The following SUMF1 variants were observed in gnomAD, a reference collection of about 807,000 sequenced individuals.
SUMF1 encodes the protein formylglycine-generating enzyme.
A neutral mutation model predicts 47.6 loss-of-function variants in SUMF1; 48 were observed. That is an observed-to-expected ratio of 1.01 (90% CI 0.80 to 1.28). SUMF1 has a LOEUF of 1.28. Among genes scored for constraint, SUMF1 ranks in the 50% most tolerant of loss-of-function variants. The probability of loss-of-function intolerance (pLI) is 0.00; values close to 1 mark genes in which losing one functional copy is unlikely to be tolerated. For synonymous variants in SUMF1, 230 were observed against 192.1 expected (o/e 1.20, Z -1.63); for missense variants, 571 against 485.4 (o/e 1.18, Z -1.66).
At chr3:4,251,806 C>A (rs977073730) in intron 8 of SUMF1, among the ~76,000 whole-genome samples, 5 of 152,196 alleles carry the variant, frequency 3.3e-5, no homozygotes, top group African/African-American at 1.2e-4. Flanking sequence ...CAAGGCAAGA[C>A]CCTACAATGG....
intron 8 of SUMF1, chr3:4,317,678 T>C (rs1575092084): frequency 6.4e-6 from 1 of 155,626 alleles, no homozygotes; most frequent in East Asian, 1.9e-4. Flanking sequence ...CTGTTAGATT[T>C]TGTTCTTGGC....
intron 8 of SUMF1, among the ~76,000 whole-genome samples, chr3:4,288,262 A>C (rs1488307991): frequency 1.3e-5 from 2 of 152,202 alleles, no homozygotes; most frequent in African/African-American, 4.8e-5. Flanking sequence ...ACAAGGGAAA[A>C]AACTATGCAT....
intron 8 of SUMF1, among the ~76,000 whole-genome samples, chr3:4,204,631 G>C (rs1184926433): frequency 6.6e-6 from 1 of 151,878 alleles, no homozygotes; most frequent in Non-Finnish European, 1.5e-5. Flanking sequence ...CCCTTTTGAG[G>C]CTCTTTTCTT....
intron 7 of SUMF1, among the ~76,000 whole-genome samples, chr3:4,397,961 T>G: frequency 6.6e-6 from 1 of 152,146 alleles, no homozygotes; most frequent in East Asian, 1.9e-4. Context: ...TAGCATCTCC[T>G]TGAAACCTCC....
At chr3:4,228,386 A>T (rs1370893042) in intron 8 of SUMF1, among the ~76,000 whole-genome samples, 1 of 151,938 alleles carries the variant, frequency 6.6e-6, no homozygotes, top group African/African-American at 2.4e-5. Context: ...CTCATCCTAG[A>T]TTAGAAAAAA....
intron 8 of SUMF1, among the ~76,000 whole-genome samples, chr3:4,335,139 G>GAAAC (rs745355332): frequency 2.0e-5 from 3 of 152,126 alleles, no homozygotes; most frequent in Non-Finnish European, 2.9e-5. Context: ...AAGATGGACT[G>GAAAC]AAACAAACAA....
At chr3:4,207,337 T>C (rs1695675921) in intron 8 of SUMF1, among the ~76,000 whole-genome samples, 1 of 152,154 alleles carries the variant, frequency 6.6e-6, no homozygotes, top group Non-Finnish European at 1.5e-5. Context: ...TCTTACCTCA[T>C]TGCACTGCCT....
intron 8 of SUMF1, among the ~76,000 whole-genome samples, chr3:4,287,061 GTA>G (rs1469336183): frequency 6.6e-6 from 1 of 152,168 alleles, no homozygotes; most frequent in Non-Finnish European, 1.5e-5. Context: ...TCTCACAAGT[GTA>G]TGTGTTTTCC....
chr3:4,252,354 A>G (rs78295834), intron 8 of SUMF1, among the ~76,000 whole-genome samples: 3,307 of 114,078 alleles, frequency 0.029, 61 homozygotes, highest in Non-Finnish European at 0.041. Context: ...ACACATGCGC[A>G]CACACACACA....
At chr3:4,134,377 A>C (rs558963752) in intron 8 of SUMF1, among the ~76,000 whole-genome samples, 2 of 152,320 alleles carry the variant, frequency 1.3e-5, no homozygotes, top group African/African-American at 2.4e-5. Context: ...TACTGGGTAC[A>C]TAACAAAATG....
intron 8 of SUMF1, among the ~76,000 whole-genome samples, chr3:4,150,700 A>G (rs1047609482): frequency 6.6e-6 from 1 of 151,658 alleles, no homozygotes; most frequent in Non-Finnish European, 1.5e-5. Flanking sequence ...TTTATTTTTA[A>G]TAAGAAAAAG....
chr3:4,461,825 G>A (rs918866523), intron 1 of SUMF1, among the ~76,000 whole-genome samples: 3 of 152,136 alleles, frequency 2.0e-5, no homozygotes, highest in African/African-American at 7.2e-5. Flanking sequence ...AGAACCAAGT[G>A]TCTCACTCTG....
Position 4,111,563 on chromosome 3 carries a change from C to A in SUMF1, c.1015-42818G>T, listed in dbSNP as rs113861835. ...TGAAACCCCGTCTCTACTAAAAATACAAAAATTAGCTGAGGGTAGTGGTGC... is the reference window on the plus strand; with the variant it reads ...TGAAACCCCGTCTCTACTAAAAATAAAAAAATTAGCTGAGGGTAGTGGTGC... On this transcript the variant is annotated intron_variant and NMD_transcript_variant, in intron 8 of 12. Coordinates refer to the SUMF1 transcript ENST00000448413. Among the ~76,000 whole-genome samples the A allele has an allele frequency of 4.1e-3, 618 of 151,874 alleles. 8 individuals are homozygous for A. The highest frequency in any genetic ancestry group is 0.014 in the African/African-American group (584 of 41,356).
At chr3:4,405,481 G>C (rs1219732558) in intron 7 of SUMF1, among the ~76,000 whole-genome samples, 4 of 152,206 alleles carry the variant, frequency 2.6e-5, no homozygotes, top group Non-Finnish European at 5.9e-5. Flanking sequence ...CTGCCTCCCA[G>C]GCTCAAGCCA....
At chr3:4,401,050 T>TGA (rs1701196387) in intron 7 of SUMF1, among the ~76,000 whole-genome samples, 1 of 144,630 alleles carries the variant, frequency 6.9e-6, no homozygotes, top group African/African-American at 2.6e-5. Context: ...CACCCATGAG[T>TGA]GAGAACATGA....
chr3:4,155,080 T>C (rs1159985495), intron 8 of SUMF1, among the ~76,000 whole-genome samples: 1 of 151,504 alleles, frequency 6.6e-6, no homozygotes, highest in East Asian at 1.9e-4. Flanking sequence ...CAGGGTTTGC[T>C]GAGGAAGACA....
intron 8 of SUMF1, among the ~76,000 whole-genome samples, chr3:4,291,771 G>A (rs1697747534): frequency 6.6e-6 from 1 of 152,154 alleles, no homozygotes; most frequent in Non-Finnish European, 1.5e-5. Context: ...GCAAAAAAAT[G>A]TCCTTATCTT....
downstream of SUMF1, among the ~76,000 whole-genome samples, chr3:4,360,205 CTTTT>C (rs57690047): frequency 1.2e-4 from 13 of 104,102 alleles, no homozygotes; most frequent in African/African-American, 3.4e-4. Context: ...AATGTTTGTT[CTTTT>C]TTTTTTTTTT....
intron 8 of SUMF1, among the ~76,000 whole-genome samples, chr3:4,169,702 G>A (rs962876347): frequency 1.3e-5 from 2 of 152,164 alleles, no homozygotes; most frequent in African/African-American, 2.4e-5. Context: ...AATCTGCAGT[G>A]ATTTAAAAGC....
Sources: gnomAD v4.1 joint callset for allele counts (sites outside exome capture counted in the v4.1 genomes callset) on GRCh38, gnomAD v4.1.1 for gene constraint, MANE v1.5 for transcripts, NCBI Gene and HGNC (gene_info 2026-07-23, HGNC 2026-07-21) for gene names.